Variants in NDFIP2 observed in about 807,000 individuals in gnomAD.
NDFIP2 encodes Nedd4 family interacting protein 2.
Under a neutral mutation model 36.0 loss-of-function variants are expected in NDFIP2, and 19 were observed. That is an observed-to-expected ratio of 0.53 (90% CI 0.37 to 0.77). NDFIP2 has a LOEUF of 0.77. NDFIP2 is among the 30% of genes least tolerant of loss of function. The pLI, the probability that NDFIP2 is intolerant of heterozygous loss-of-function variation, is 0.00. For synonymous variants in NDFIP2, 181 were observed against 167.7 expected (o/e 1.08, Z -0.61); for missense variants, 446 against 435.8 (o/e 1.02, Z -0.21).
chr13:79,505,819 T>C (rs556237413), intron 1 of NDFIP2, among the ~76,000 whole-genome samples: 18 of 152,226 alleles, frequency 1.2e-4, no homozygotes, highest in Middle Eastern at 3.4e-3. Flanking sequence ...TTATGAATCA[T>C]TGTAACCTCT....
chr13:79,532,993 A>T (rs998909491), intron 2 of NDFIP2, among the ~76,000 whole-genome samples: 1 of 152,154 alleles, frequency 6.6e-6, no homozygotes, highest in African/African-American at 2.4e-5. Flanking sequence ...TTCTTTGTGC[A>T]TACTAATAAG....
intron 5 of NDFIP2, among the ~76,000 whole-genome samples, chr13:79,545,205 T>G (rs1444263201): frequency 6.6e-6 from 1 of 152,234 alleles, no homozygotes; most frequent in East Asian, 1.9e-4. Flanking sequence ...GAGGACTGTT[T>G]TCTCAATTCT....
At chr13:79,514,611 G>A (rs1203147066) in intron 1 of NDFIP2, among the ~76,000 whole-genome samples, 1 of 152,168 alleles carries the variant, frequency 6.6e-6, no homozygotes, top group African/African-American at 2.4e-5. Flanking sequence ...TGAACAATAT[G>A]TAGAGTTAGC....
intron 1 of NDFIP2, among the ~76,000 whole-genome samples, chr13:79,490,998 T>C (rs2140733694): frequency 6.6e-6 from 1 of 152,348 alleles, no homozygotes; most frequent in East Asian, 1.9e-4. Context: ...TTGACTACCT[T>C]ATTTTAAATC....
intron 2 of NDFIP2, among the ~76,000 whole-genome samples, chr13:79,529,861 C>G (rs1457202600): frequency 6.6e-6 from 1 of 152,202 alleles, no homozygotes; most frequent in African/African-American, 2.4e-5. Flanking sequence ...GGTTCATTTT[C>G]AGACTACTGA....
At position 79,553,140 on chromosome 13, in the gene NDFIP2, A is replaced by G. The variant is rs1294862785; in HGVS notation, c.*627A>G. ...CAATGTTTTCTTAGAAATTGTGTCC[A>G]GATAGCTTTCACTAATTTTAAATTA... On this transcript the variant is annotated 3_prime_UTR_variant, in exon 8 of 8. Transcript: ENST00000218652. 6.6e-6 allele frequency: 1 copy of G among 151,684 alleles called. No individual in the cohort carries two copies. Among genetic ancestry groups the G allele is most frequent in the Non-Finnish European group, 1.5e-5 (1 of 67,444 alleles). The allele number at this position is 151,684 out of a possible 1,614,324, so 9.4% of individuals were successfully genotyped here.
chr13:79,492,870 T>C (rs1334800821), intron 1 of NDFIP2, among the ~76,000 whole-genome samples: 2 of 152,238 alleles, frequency 1.3e-5, no homozygotes, highest in African/African-American at 4.8e-5. Flanking sequence ...CTTTTAAATA[T>C]ATCTTTCCCA....
At chr13:79,535,612 CT>C (rs1339401831) in intron 3 of NDFIP2, among the ~76,000 whole-genome samples, 2 of 152,144 alleles carry the variant, frequency 1.3e-5, no homozygotes, top group African/African-American at 4.8e-5. Context: ...AAGAGACTAA[CT>C]TAGGTCTTGT....
In NDFIP2 at chr13:79,481,532, C is replaced by A. The variant is rs540049530; in HGVS notation, c.321+8C>A. On this transcript the variant is annotated splice_region_variant and intron_variant, in intron 1 of 7. Coordinates refer to ENST00000218652, the MANE Select transcript of NDFIP2 (RefSeq NM_019080.3). ...ACTGGGCGCTACCAGGTGGTGAGTT[C>A]CCGGCCTCCTGTGCCTCCCGGGACT... 6.5e-6 allele frequency: 10 copies of A among 1,544,886 alleles called. No homozygotes were observed. The highest frequency in any genetic ancestry group is 7.9e-6 in the Non-Finnish European group (9 of 1,144,954).
intron 1 of NDFIP2, among the ~76,000 whole-genome samples, chr13:79,489,129 T>G (rs1463494409): frequency 3.3e-5 from 5 of 152,202 alleles, no homozygotes; most frequent in Non-Finnish European, 5.9e-5. Flanking sequence ...TCTTTTAAGA[T>G]TCCATGGGTT....
chr13:79,539,910 T>G, intron 4 of NDFIP2, 135 bp downstream of exon 4: 1 of 666,358 alleles, frequency 1.5e-6, no homozygotes, highest in Non-Finnish European at 2.6e-6. Flanking sequence ...TTCCTGATAT[T>G]GGACTAATGA....
At chr13:79,545,077 A>T (rs1334098716) in intron 5 of NDFIP2, among the ~76,000 whole-genome samples, 4 of 152,172 alleles carry the variant, frequency 2.6e-5, no homozygotes, top group East Asian at 3.8e-4. Flanking sequence ...AATTATTATT[A>T]AAAAAACCTC....
chr13:79,544,511 G>C lies in NDFIP2; in HGVS notation c.840+829G>C, dbSNP rs189966027. 1.4e-3 allele frequency among the ~76,000 whole-genome samples: 207 copies of C among 146,990 alleles called. 1 individual carries two copies. The highest frequency in any genetic ancestry group is 5.0e-3 in the African/African-American group (198 of 39,770). On this transcript the variant is annotated intron_variant, in intron 5 of 7. Transcript: ENST00000218652. Reference sequence around the variant, plus strand: ...TTCCTAGTTTTTTTTTTTTTTAACTGTAAGATCTAGGAGAATGATCAAGAG... The same window carrying C: ...TTCCTAGTTTTTTTTTTTTTTAACTCTAAGATCTAGGAGAATGATCAAGAG...
chr13:79,481,173 A>T lies in NDFIP2; in HGVS notation c.-31A>T. Reference sequence around the variant, plus strand: ...TTGCCTTACTTTTCCATCTCCTCCCACCCAGCTATACCCTCCCACTGGCGG... The same window carrying T: ...TTGCCTTACTTTTCCATCTCCTCCCTCCCAGCTATACCCTCCCACTGGCGG... On this transcript the variant is annotated 5_prime_UTR_variant, in exon 1 of 8. Transcript: ENST00000218652. The T allele has an allele frequency of 6.8e-7, 1 of 1,460,460 alleles. No homozygotes were observed. The highest frequency in any genetic ancestry group is 9.0e-7 in the Non-Finnish European group (1 of 1,114,302). The allele number at this position is 1,460,460 out of a possible 1,614,324, so 90.5% of individuals were successfully genotyped here. A position where few individuals can be genotyped will look rare whatever the true frequency, so the allele number is the denominator to read the frequency against.
At chr13:79,513,078 G>C (rs1874139919) in intron 1 of NDFIP2, among the ~76,000 whole-genome samples, 1 of 152,140 alleles carries the variant, frequency 6.6e-6, no homozygotes, top group African/African-American at 2.4e-5. Context: ...ATCATTTTAG[G>C]TTACCTTATC....
chr13:79,541,360 G>A (rs1875448435), intron 4 of NDFIP2, among the ~76,000 whole-genome samples: 1 of 151,360 alleles, frequency 6.6e-6, no homozygotes, highest in South Asian at 2.1e-4. Flanking sequence ...CACACTGGAT[G>A]ACTTTATTCT....
chr13:79,533,434 C>T lies in NDFIP2; in HGVS notation c.599C>T (p.Ala200Val), dbSNP rs1012561635. The T allele has an allele frequency of 6.2e-7, 1 of 1,601,942 alleles. No homozygotes were observed. Among genetic ancestry groups the T allele is most frequent in the Non-Finnish European group, 8.5e-7 (1 of 1,176,068 alleles). ...GCTAAAGCTGCTGCAATGGCAGCTG[C>T]AGCAGCAGAAACATCTCAAAGAGTA... The part of the protein sequence containing the change: ...EKAKAAAMAA[A>V]AAETSQRIQE... The change falls in exon 3 of 8, where the codon GCA (alanine) becomes GTA (valine). Residue 200 changes from alanine to valine, a missense_variant. This residue lies in a region of NDFIP2 where 369 missense variants were observed against 304.8 expected (regional missense o/e 1.21). Transcript: ENST00000218652.
rs990053504 is a variant in NDFIP2 at position 79,481,274 on chromosome 13, C to T, written c.71C>T (p.Pro24Leu). 3.9e-6 allele frequency: 6 copies of T among 1,537,316 alleles called. No individual in the cohort carries two copies. In the African/African-American group the frequency reaches 4.1e-5, roughly 11 times the overall value. The change falls in exon 1 of 8, where the codon CCG (proline) becomes CTG (leucine). Residue 24 changes from proline to leucine, a missense_variant. Around this residue, in one of 2 missense-constraint regions of NDFIP2, gnomAD observed 369 missense variants for 304.8 expected, o/e 1.21. Transcript: ENST00000218652. ...ATGCTCAATAGCGCGCGCGGCGCCCCGGAGCTTCTCCGCGGAACCGCGACC... is the reference window on the plus strand; with the variant it reads ...ATGCTCAATAGCGCGCGCGGCGCCCTGGAGCTTCTCCGCGGAACCGCGACC... The part of the protein sequence containing the change: ...PSMLNSARGA[P>L]ELLRGTATNA...
chr13:79,511,320 T>G (rs1874076553), intron 1 of NDFIP2, among the ~76,000 whole-genome samples: 1 of 152,192 alleles, frequency 6.6e-6, no homozygotes, highest in African/African-American at 2.4e-5. Flanking sequence ...CTTTCTCATC[T>G]AGCTATGGTA....
Sources: gnomAD v4.1 joint callset for allele counts (sites outside exome capture counted in the v4.1 genomes callset) on GRCh38, gnomAD v4.1.1 for gene constraint, gnomAD v4.1.1 regional missense constraint, MANE v1.5 for transcripts, NCBI Gene and HGNC (gene_info 2026-07-23, HGNC 2026-07-21) for gene names.